SLC22A23: variants seen among roughly 807,000 people sequenced by gnomAD.
SLC22A23 encodes solute carrier family 22 member 23.
A neutral mutation model predicts 61.0 loss-of-function variants in SLC22A23; 26 were observed. The ratio of observed to expected loss-of-function variants is 0.43; its 90% confidence interval spans 0.31 to 0.59. The LOEUF (loss-of-function observed/expected upper bound fraction) is 0.59. SLC22A23 is among the 20% of genes least tolerant of loss of function. The pLI is 0.11. For synonymous variants in SLC22A23, 430 were observed against 413.9 expected (o/e 1.04, Z -0.47); for missense variants, 796 against 934.7 (o/e 0.85, Z 1.94).
At chr6:3,373,809 G>A (rs1270745715) in intron 3 of SLC22A23, among the ~76,000 whole-genome samples, 2 of 152,116 alleles carry the variant, frequency 1.3e-5, no homozygotes, top group African/African-American at 2.4e-5. Flanking sequence ...AGAAACTTAC[G>A]GTCCAGTAAA....
In SLC22A23 at chr6:3,360,157, A is replaced by G. The variant is rs1057116031; in HGVS notation, c.914-36155T>C. ...GGGACAGAGTTTGTTTGGGAAGATG[A>G]AAAGACCTCTAGAGATGAAGGGTGG... On this transcript the variant is annotated intron_variant, in intron 3 of 9. Coordinates refer to ENST00000406686, the MANE Select transcript of SLC22A23 (RefSeq NM_015482.2). This position sits in a 1 kb window ranked among gnomAD's most constrained non-coding sequence, Gnocchi z 4.6. 6.6e-6 allele frequency among the ~76,000 whole-genome samples: 1 copy of G among 152,234 alleles called. No individual in the cohort carries two copies. Among genetic ancestry groups the G allele is most frequent in the Non-Finnish European group, 1.5e-5 (1 of 68,050 alleles).
In SLC22A23 at chr6:3,414,947, C is replaced by CCTCAGAG. The variant is rs1159528148; in HGVS notation, c.758+804_758+805insCTCTGAG. On this transcript the variant is annotated intron_variant, in intron 2 of 9. Transcript: ENST00000406686. This position sits in a 1 kb window ranked among gnomAD's most constrained non-coding sequence, Gnocchi z 5.1. ...GGTGGAGGGGCAGGCTCTGAGGCCA[C>CCTCAGAG]GTGGTGGCTGAGTTTCAAGTTCTGG... 1.3e-5 allele frequency among the ~76,000 whole-genome samples: 2 copies of CCTCAGAG among 152,134 alleles called. No homozygotes were observed. The highest frequency in any genetic ancestry group is 4.8e-5 in the African/African-American group (2 of 41,420).
chr6:3,366,332 C>CAAAAAAAAAAAAAAAAAAAAAAAAAA (rs11387672), intron 3 of SLC22A23, among the ~76,000 whole-genome samples: 1 of 74,164 alleles, frequency 1.3e-5, no homozygotes, highest in Non-Finnish European at 2.3e-5. Context: ...GACTCTGTCT[C>CAAAAAAAAAAAAAAAAAAAAAAAAAA]AAAAAAAAAA....
chr6:3,371,243 C>T (rs1232841703), intron 3 of SLC22A23, among the ~76,000 whole-genome samples: 1 of 152,322 alleles, frequency 6.6e-6, no homozygotes, highest in South Asian at 2.1e-4. Context: ...CAAACTTTTC[C>T]AGAAAGAAAG....
At chr6:3,338,452 C>A (rs957463292) in intron 3 of SLC22A23, among the ~76,000 whole-genome samples, 1 of 152,242 alleles carries the variant, frequency 6.6e-6, no homozygotes, top group Non-Finnish European at 1.5e-5. Flanking sequence ...GCCTCATCCT[C>A]CTTAGCTGGG....
intron 3 of SLC22A23, among the ~76,000 whole-genome samples, chr6:3,334,055 T>G (rs954157201): frequency 2.6e-5 from 4 of 152,228 alleles, no homozygotes; most frequent in Non-Finnish European, 5.9e-5. Flanking sequence ...ATAATTAATT[T>G]TTCCATTGTA....
intron 5 of SLC22A23, chr6:3,291,110 G>T (rs1435806055): frequency 6.6e-6 from 1 of 152,216 alleles, no homozygotes; most frequent in Non-Finnish European, 1.5e-5. Context: ...TTCGACAACA[G>T]TACCACGACA....
At chr6:3,396,296 C>T (rs187494349) in intron 3 of SLC22A23, among the ~76,000 whole-genome samples, 2 of 152,344 alleles carry the variant, frequency 1.3e-5, no homozygotes, top group Non-Finnish European at 2.9e-5. Context: ...GGTGCAGTGG[C>T]TTATGCCTGT....
intron 4 of SLC22A23, among the ~76,000 whole-genome samples, chr6:3,321,443 T>C (rs2127395852): frequency 6.6e-6 from 1 of 152,362 alleles, no homozygotes; most frequent in East Asian, 1.9e-4. Flanking sequence ...TGCAAGTCCC[T>C]GGATGTCTTT....
At chr6:3,344,032 C>A (rs1332646276) in intron 3 of SLC22A23, among the ~76,000 whole-genome samples, 1 of 152,230 alleles carries the variant, frequency 6.6e-6, no homozygotes, top group Non-Finnish European at 1.5e-5. Context: ...CAGTCTCTGA[C>A]AGCACTGGGG....
intron 3 of SLC22A23, among the ~76,000 whole-genome samples, chr6:3,381,430 G>T (rs1357839204): frequency 6.6e-6 from 1 of 152,204 alleles, no homozygotes; most frequent in Non-Finnish European, 1.5e-5. Flanking sequence ...CTAACTACAG[G>T]ACAGCAGAAT....
intron 4 of SLC22A23, among the ~76,000 whole-genome samples, chr6:3,310,347 A>ACTC (rs531919537): frequency 1.5e-5 from 1 of 64,574 alleles, no homozygotes; most frequent in Non-Finnish European, 3.5e-5. Context: ...CCTGTCTCCC[A>ACTC]GGGAGCACCC....
intron 1 of SLC22A23, chr6:3,444,682 C>T: frequency 6.5e-6 from 4 of 612,892 alleles, no homozygotes; most frequent in Non-Finnish European, 8.2e-6. Context: ...TGATCCCGGC[C>T]TCTCTCTGAG....
chr6:3,361,061 C>A (rs563131143), intron 3 of SLC22A23, among the ~76,000 whole-genome samples: 45 of 151,088 alleles, frequency 3.0e-4, no homozygotes, highest in South Asian at 1.7e-3. Flanking sequence ...TCTACCCACC[C>A]CCCCCATTTT....
At chr6:3,366,536 T>C (rs1386866570) in intron 3 of SLC22A23, among the ~76,000 whole-genome samples, 1 of 152,012 alleles carries the variant, frequency 6.6e-6, no homozygotes, top group African/African-American at 2.4e-5. Flanking sequence ...AGTTCCTGAC[T>C]CAACAAATCA....
chr6:3,354,830 T>C (rs1376562302), intron 3 of SLC22A23, among the ~76,000 whole-genome samples: 5 of 152,176 alleles, frequency 3.3e-5, no homozygotes, highest in Non-Finnish European at 7.3e-5. Context: ...TAATTCAACA[T>C]CATCTTCTTC....
chr6:3,315,858 C>T (rs1391715684), intron 4 of SLC22A23, among the ~76,000 whole-genome samples: 3 of 143,146 alleles, frequency 2.1e-5, no homozygotes, highest in African/African-American at 7.6e-5. Context: ...AGTGAGAATC[C>T]GTCTCAAAAA....
At chr6:3,399,031 A>AAACAT (rs1334614525) in intron 3 of SLC22A23, among the ~76,000 whole-genome samples, 3 of 151,936 alleles carry the variant, frequency 2.0e-5, no homozygotes, top group South Asian at 2.1e-4. Flanking sequence ...TCTGACTCTT[A>AAACAT]AAAATAAAAT....
rs187845962 is a variant in SLC22A23, at chr6:3,305,249, G to A, written c.1083-7031C>T. 3.8e-3 allele frequency among the ~76,000 whole-genome samples: 583 copies of A among 152,306 alleles called. 1 individual carries two copies. The highest frequency in any genetic ancestry group is 0.013 in the African/African-American group (561 of 41,556). On this transcript the variant is annotated intron_variant, in intron 4 of 9. Transcript: ENST00000406686. ...GCCCAGGATTACACAGCTATTTAAT[G>A]GCAGAGCTGGGATCTGAACCCAGGC...
Sources: gnomAD v4.1 joint callset for allele counts (sites outside exome capture counted in the v4.1 genomes callset) on GRCh38, gnomAD v4.1.1 for gene constraint, Gnocchi (gnomAD v3.1) non-coding constraint, MANE v1.5 for transcripts, NCBI Gene and HGNC (gene_info 2026-07-23, HGNC 2026-07-21) for gene names.